The following GRM7 variants were observed in gnomAD, a reference collection of about 807,000 sequenced individuals.
GRM7 encodes the protein glutamate metabotropic receptor 7, also known as metabotropic glutamate receptor 7.
A neutral mutation model predicts 84.5 loss-of-function variants in GRM7; 35 were observed. That is an observed-to-expected ratio of 0.41 (90% CI 0.32 to 0.55). The LOEUF (loss-of-function observed/expected upper bound fraction) is 0.55, where lower values mean the gene tolerates loss of function less well. Ranked by LOEUF, GRM7 falls within the 20% of genes least tolerant of loss-of-function variation. GRM7 has a pLI of 0.19. For synonymous variants in GRM7, 487 were observed against 455.1 expected (o/e 1.07, Z -0.89); for missense variants, 1,003 against 1,194.6 (o/e 0.84, Z 2.36).
At chr3:6,981,096 G>A (rs753880819) in intron 1 of GRM7, among the ~76,000 whole-genome samples, 1 of 152,096 alleles carries the variant, frequency 6.6e-6, no homozygotes, top group Non-Finnish European at 1.5e-5. Context: ...TGTAAAATTC[G>A]CAAAGGCCAT....
At chr3:7,154,862 C>T (rs1364880827) in intron 2 of GRM7, among the ~76,000 whole-genome samples, 1 of 152,094 alleles carries the variant, frequency 6.6e-6, no homozygotes, top group Non-Finnish European at 1.5e-5. Flanking sequence ...CAAGGTGAAG[C>T]TTTCTCTTCC....
chr3:7,626,467 G>A (rs994583921), intron 8 of GRM7, among the ~76,000 whole-genome samples: 5 of 152,180 alleles, frequency 3.3e-5, no homozygotes, highest in African/African-American at 1.2e-4. Context: ...ATAAACAACA[G>A]AAATGTATTT....
At chr3:7,644,119 G>GTTGT (rs1698494127) in intron 8 of GRM7, among the ~76,000 whole-genome samples, 3 of 63,558 alleles carry the variant, frequency 4.7e-5, no homozygotes, top group Admixed American at 3.3e-4. Context: ...CACTGTGCAT[G>GTTGT]TTGTGTGTGT....
At chr3:7,090,676 G>A (rs1000784481) in intron 1 of GRM7, among the ~76,000 whole-genome samples, 1 of 152,188 alleles carries the variant, frequency 6.6e-6, no homozygotes, top group East Asian at 1.9e-4. Flanking sequence ...GATTCTATGA[G>A]CATATATACA....
chr3:7,146,576 C>T lies in GRM7; in HGVS notation c.644C>T (p.Ala215Val). The T allele has an allele frequency of 6.2e-7, 1 of 1,613,896 alleles. No individual in the cohort carries two copies. The highest frequency in any genetic ancestry group is 1.3e-5 in the African/African-American group (1 of 74,998). Residue 215 changes from alanine (A) to valine (V), a missense_variant, in exon 2 of 10, where the codon GCC becomes GTC. Around this residue, in one of 2 missense-constraint regions of GRM7, gnomAD observed 910 missense variants for 1,126.0 expected, o/e 0.81. Coordinates refer to ENST00000357716, the MANE Select transcript of GRM7 (RefSeq NM_000844.4). ...QAQAMVDIVK[A>V]LGWNYVSTLA... ...CAGGCCATGGTAGACATTGTAAAGGCCCTAGGCTGGAATTATGTGTCTACC... is the reference window on the plus strand; with the variant it reads ...CAGGCCATGGTAGACATTGTAAAGGTCCTAGGCTGGAATTATGTGTCTACC...
Position 7,728,510 on chromosome 3 carries a change from A to G in GRM7, c.2699-11847A>G, listed in dbSNP as rs189706768. On this transcript the variant is annotated intron_variant, in intron 9 of 9. Coordinates refer to ENST00000357716, the MANE Select transcript of GRM7 (RefSeq NM_000844.4). The stretch of plus-strand genomic sequence containing the variant: ...CCCTGGTACTGGAGTGATTACTTCT[A>G]TCTTATCTTACCTACAATTTGGGTA... Among the ~76,000 whole-genome samples the G allele has an allele frequency of 1.4e-3, 209 of 152,266 alleles. 2 individuals are homozygous for G. The Middle Eastern group carries it at 0.02, about 15-fold the overall frequency.
chr3:7,276,249 G>GTGTATATATA (rs1336783487), intron 2 of GRM7, among the ~76,000 whole-genome samples: 3 of 143,664 alleles, frequency 2.1e-5, no homozygotes, highest in South Asian at 4.4e-4. Context: ...GTGTGTGTGT[G>GTGTATATATA]TATATATAAT....
rs534468168 is a variant in GRM7, at chr3:7,426,274, C to T, written c.1174+11111C>T. Among the ~76,000 whole-genome samples, 109 of 152,138 alleles carry T rather than the reference C, an allele frequency of 7.2e-4. 2 individuals are homozygous for T. In the South Asian group the frequency reaches 0.02, roughly 28 times the overall value. ...AGCTGGGATTACAGGCATGCGCCACCACGCCCTGCTAATTTTGTATTTTTA... is the reference window on the plus strand; with the variant it reads ...AGCTGGGATTACAGGCATGCGCCACTACGCCCTGCTAATTTTGTATTTTTA... On this transcript the variant is annotated intron_variant, in intron 5 of 9. Transcript: ENST00000357716.
intron 1 of GRM7, among the ~76,000 whole-genome samples, chr3:7,076,000 A>C (rs973351653): frequency 6.6e-6 from 1 of 151,978 alleles, no homozygotes; most frequent in Admixed American, 6.6e-5. Context: ...TATCTCATCT[A>C]GGTTTTTAGA....
At chr3:7,577,511 G>C (rs1251088381) in intron 7 of GRM7, among the ~76,000 whole-genome samples, 1 of 152,162 alleles carries the variant, frequency 6.6e-6, no homozygotes, top group Non-Finnish European at 1.5e-5. Context: ...AGCAGATGCT[G>C]TGCTGGCAAA....
chr3:7,454,629 C>A (rs73015552), intron 6 of GRM7, among the ~76,000 whole-genome samples: 7,111 of 151,934 alleles, frequency 0.047, 223 homozygotes, highest in South Asian at 0.12. Context: ...TGAAGCTAAT[C>A]TATGTATATA....
intron 4 of GRM7, among the ~76,000 whole-genome samples, chr3:7,369,725 T>A (rs1449275707): frequency 6.6e-6 from 1 of 152,164 alleles, no homozygotes; most frequent in African/African-American, 2.4e-5. Flanking sequence ...AGGCAGTAAA[T>A]ATGTTTCATT....
chr3:6,872,641 G>A (rs933944993), intron 1 of GRM7, among the ~76,000 whole-genome samples: 1 of 151,852 alleles, frequency 6.6e-6, no homozygotes, highest in African/African-American at 2.4e-5. Flanking sequence ...AGGCCCCGGT[G>A]TGTGATGTTC....
At chr3:7,275,799 A>G (rs752894667) in intron 2 of GRM7, among the ~76,000 whole-genome samples, 4 of 152,148 alleles carry the variant, frequency 2.6e-5, no homozygotes, top group Non-Finnish European at 4.4e-5. Flanking sequence ...ATTCACTGTA[A>G]GAACCAAACA....
intron 9 of GRM7, among the ~76,000 whole-genome samples, chr3:7,688,983 T>G (rs1385775881): frequency 6.6e-6 from 1 of 152,204 alleles, no homozygotes; most frequent in East Asian, 1.9e-4. Context: ...ATCCTTTACA[T>G]GAATATTTAT....
rs76544064 is a variant in GRM7 at position 7,579,345 on chromosome 3, A to G, written c.2439A>G (p.Gln813=). The change falls in exon 8 of 10, where the codon CAA becomes CAG. Residue 813 remains glutamine (Q), a synonymous_variant. Coordinates refer to ENST00000357716, the MANE Select transcript of GRM7 (RefSeq NM_000844.4). ...TTCCAATTTTTTTTGGCACCGCTCA[A>G]TCAGCGGAAAAGGTAAGTGAAAATG... ...AFIPIFFGTA[Q]SAEKLYIQTT... is the part of the protein sequence containing the mutation. 1.4e-3 allele frequency: 2,177 copies of G among 1,551,368 alleles called. 25 individuals carry two copies. The African/African-American group carries it at 0.026, about 19-fold the overall frequency.
intron 4 of GRM7, among the ~76,000 whole-genome samples, chr3:7,397,815 G>T (rs1459777570): frequency 1.3e-5 from 2 of 152,058 alleles, no homozygotes; most frequent in African/African-American, 4.8e-5. Context: ...GGGGCTGGTG[G>T]TGGTACAGTT....
intron 2 of GRM7, among the ~76,000 whole-genome samples, chr3:7,190,081 C>T (rs528864869): frequency 5.9e-5 from 9 of 152,248 alleles, no homozygotes; most frequent in African/African-American, 1.9e-4. Flanking sequence ...TTATAAAGTT[C>T]TCCTATCTGT....
intron 8 of GRM7, among the ~76,000 whole-genome samples, chr3:7,672,089 G>C (rs1217162566): frequency 6.6e-6 from 1 of 151,776 alleles, no homozygotes; most frequent in Non-Finnish European, 1.5e-5. Flanking sequence ...CCCGGGGGGA[G>C]GGAAACAGTA....
Sources: allele counts gnomAD v4.1 joint callset (sites outside exome capture counted in the v4.1 genomes callset), GRCh38; gene constraint gnomAD v4.1.1; regional missense constraint gnomAD v4.1.1; transcripts MANE v1.5; gene names NCBI Gene and HGNC (gene_info 2026-07-23, HGNC 2026-07-21).